Variants in KDM2A observed in about 807,000 individuals in gnomAD.
The protein encoded by KDM2A is lysine demethylase 2A, also known as lysine-specific demethylase 2A.
In KDM2A, 3 loss-of-function variants were observed where a neutral mutation model predicts 137.3. The observed-to-expected ratio is 0.02, with a 90% CI of 0.01 to 0.06. The LOEUF (loss-of-function observed/expected upper bound fraction) is 0.06. KDM2A is among the 10% of genes least tolerant of loss of function. KDM2A has a pLI of 1.00. For missense variants in KDM2A, 738 were observed against 1,510.6 expected, an observed-to-expected ratio of 0.49 and a Z score of 8.48; for synonymous variants, 512 against 541.5, an observed-to-expected ratio of 0.95 and a Z score of 0.76.
Position 67,216,271 on chromosome 11 carries a change from G to A in KDM2A, c.687+322G>A, listed in dbSNP as rs79501791. 7.8e-3 allele frequency among the ~76,000 whole-genome samples: 1,184 copies of A among 152,276 alleles called. 15 individuals are homozygous for A. The highest frequency in any genetic ancestry group is 0.034 in the Middle Eastern group (10 of 294). The stretch of plus-strand genomic sequence containing the variant: ...GACAAGATAATTTCTGTACTTGGAA[G>A]TATAATAAATAGTGGAAGGGAACAC... On this transcript the variant is annotated intron_variant, in intron 8 of 20. Coordinates refer to ENST00000529006, the MANE Select transcript of KDM2A (RefSeq NM_012308.3).
chr11:67,202,083 T>G (rs1590778806), intron 5 of KDM2A, among the ~76,000 whole-genome samples: 1 of 152,146 alleles, frequency 6.6e-6, no homozygotes, highest in East Asian at 1.9e-4. Flanking sequence ...GTTCAAGACT[T>G]CAGTGGAGGA....
intron 2 of KDM2A, among the ~76,000 whole-genome samples, chr11:67,152,167 G>C (rs949090491): frequency 6.6e-6 from 1 of 151,964 alleles, no homozygotes; most frequent in African/African-American, 2.4e-5. Context: ...ATACCAAAAA[G>C]CCAGGCGTGG....
intron 15 of KDM2A, among the ~76,000 whole-genome samples, chr11:67,246,561 G>A (rs1178951039): frequency 6.6e-6 from 1 of 151,744 alleles, no homozygotes; most frequent in Non-Finnish European, 1.5e-5. Context: ...TCAGTGCAGA[G>A]CTAAATAGCT....
intron 6 of KDM2A, among the ~76,000 whole-genome samples, chr11:67,209,642 C>T (rs1402636318): frequency 2.0e-5 from 3 of 151,146 alleles, no homozygotes; most frequent in Non-Finnish European, 4.4e-5. Flanking sequence ...TGGGGTTTCA[C>T]CATGTTGGCC....
intron 2 of KDM2A, among the ~76,000 whole-genome samples, chr11:67,172,185 T>A (rs943054904): frequency 6.6e-6 from 1 of 152,100 alleles, no homozygotes; most frequent in Non-Finnish European, 1.5e-5. Flanking sequence ...AGGCAGTGGC[T>A]GGTCTTGAAC....
intron 5 of KDM2A, among the ~76,000 whole-genome samples, chr11:67,189,314 A>G (rs1234761902): frequency 6.6e-6 from 1 of 152,270 alleles, no homozygotes; most frequent in African/African-American, 2.4e-5. Flanking sequence ...AAGAAATCAC[A>G]TGGAAATTAG....
chr11:67,178,037 T>G (rs1857008127), intron 2 of KDM2A, among the ~76,000 whole-genome samples: 1 of 152,198 alleles, frequency 6.6e-6, no homozygotes, highest in African/African-American at 2.4e-5. Flanking sequence ...AAAGGTAAAC[T>G]TGCAGTATAA....
rs377392660 is a variant in KDM2A at position 67,248,275 on chromosome 11, C to G, written c.1966-6C>G. The G allele has an allele frequency of 3.1e-5, 49 of 1,596,124 alleles. No homozygotes were observed. In the Middle Eastern group the frequency reaches 9.9e-4, roughly 32 times the overall value. On this transcript the variant is annotated splice_region_variant and splice_polypyrimidine_tract_variant and intron_variant, in intron 15 of 20. Transcript: ENST00000529006. ...GGCTTTTAAAAACATCTCTGTCTTCCTATAGATGGACGGAGAGGGGTTGCT... is the reference window on the plus strand; with the variant it reads ...GGCTTTTAAAAACATCTCTGTCTTCGTATAGATGGACGGAGAGGGGTTGCT...
At chr11:67,181,961 T>A in intron 5 of KDM2A, 69 bp downstream of exon 5, 6 of 1,303,400 alleles carry the variant, frequency 4.6e-6, no homozygotes, top group Non-Finnish European at 5.6e-6. Context: ...ATTAAATCTC[T>A]GACTGAGATT....
intron 6 of KDM2A, among the ~76,000 whole-genome samples, chr11:67,211,086 A>G (rs902140367): frequency 6.6e-6 from 1 of 152,102 alleles, no homozygotes; most frequent in African/African-American, 2.4e-5. Context: ...AAACATAGCT[A>G]CAATCATGTT....
chr11:67,249,415 C>CATAAA (rs763685012), intron 16 of KDM2A, among the ~76,000 whole-genome samples: 26 of 152,172 alleles, frequency 1.7e-4, no homozygotes, highest in Non-Finnish European at 3.4e-4. Context: ...TGCTTAGAGA[C>CATAAA]ATAAAATGTC....
chr11:67,228,414 G>A (rs1240361707), intron 11 of KDM2A, among the ~76,000 whole-genome samples: 2 of 152,122 alleles, frequency 1.3e-5, no homozygotes, highest in African/African-American at 2.4e-5. Context: ...TGATCAAGCC[G>A]GACACGCTGG....
At chr11:67,184,460 T>A (rs1857158358) in intron 5 of KDM2A, among the ~76,000 whole-genome samples, 1 of 152,098 alleles carries the variant, frequency 6.6e-6, no homozygotes, top group South Asian at 2.1e-4. Context: ...AAACCCCGTC[T>A]TTACTAAAAA....
At position 67,254,293 on chromosome 11, in the gene KDM2A, G is replaced by A. The variant is rs1859532226; in HGVS notation, c.3182G>A (p.Arg1061His). The A allele has an allele frequency of 6.2e-7, 1 of 1,613,972 alleles. No individual in the cohort carries two copies. Among genetic ancestry groups the A allele is most frequent in the Non-Finnish European group, 8.5e-7 (1 of 1,179,884 alleles). ...GATGCCACGCTTCGCCTCATAATTC[G>A]CCACATGCCCCTCCTGTCTCGACTC... ...ITDATLRLII[R>H]HMPLLSRLDL... The change falls in exon 20 of 21, where the codon CGC becomes CAC. Residue 1061 changes from arginine (R) to histidine (H), a missense_variant. By Grantham distance (29) the Arg-to-His change is conservative (BLOSUM62 0). This residue lies in a region of KDM2A where 166 missense variants were observed against 324.0 expected (regional missense o/e 0.51). Coordinates refer to ENST00000529006, the MANE Select transcript of KDM2A (RefSeq NM_012308.3). The surrounding 1 kb of genome is among the most constrained non-coding windows in gnomAD (Gnocchi z 4.7).
rs557137708 is a variant in KDM2A at position 67,159,469 on chromosome 11, C to G, written c.43-20610C>G. ...TCTAGAAGATTAGATTCATCTTAAA[C>G]ATTTTGGCAAGAATGTTTCCCAGAT... On this transcript the variant is annotated intron_variant, in intron 2 of 20. Transcript: ENST00000529006. Among the ~76,000 whole-genome samples the G allele has an allele frequency of 8.9e-4, 136 of 152,170 alleles. 1 individual carries two copies. Among genetic ancestry groups the G allele is most frequent in the Non-Finnish European group, 1.8e-3 (122 of 68,034 alleles).
rs921321640 is a variant in KDM2A at position 67,192,433 on chromosome 11, C to CTTT, written c.307+10567_307+10569dup. ...ATGGACATTTACTTTGTTTCCATTTCTTTTTTTTTTTTTTTTTTTTTTTTT... is the reference window on the plus strand; with the variant it reads ...ATGGACATTTACTTTGTTTCCATTTCTTTTTTTTTTTTTTTTTTTTTTTTTTTT... On this transcript the variant is annotated intron_variant, in intron 5 of 20. Coordinates refer to ENST00000529006, the MANE Select transcript of KDM2A (RefSeq NM_012308.3). Among the ~76,000 whole-genome samples the CTTT allele has an allele frequency of 4.2e-3, 295 of 70,566 alleles. 51 individuals carry two copies. The highest frequency in any genetic ancestry group is 0.016 in the East Asian group (37 of 2,354). The allele number at this position is 70,566 out of a possible 152,430, so 46.3% of individuals were successfully genotyped here.
chr11:67,211,563 A>G (rs1857983033), intron 6 of KDM2A, among the ~76,000 whole-genome samples: 1 of 130,048 alleles, frequency 7.7e-6, no homozygotes, highest in Non-Finnish European at 1.6e-5. Context: ...GCAGTGAGCC[A>G]TGATCACACC....
chr11:67,141,115 T>C (rs1856088736), intron 2 of KDM2A, among the ~76,000 whole-genome samples: 2 of 152,142 alleles, frequency 1.3e-5, no homozygotes, highest in Non-Finnish European at 2.9e-5. Flanking sequence ...GATGAAAATA[T>C]TAGGAACTCT....
At chr11:67,187,700 A>T (rs1179376744) in intron 5 of KDM2A, among the ~76,000 whole-genome samples, 2 of 151,970 alleles carry the variant, frequency 1.3e-5, no homozygotes, top group African/African-American at 4.8e-5. Flanking sequence ...CAGCCTCCCA[A>T]GTAGCTGGAT....
Sources: allele counts gnomAD v4.1 joint callset (sites outside exome capture counted in the v4.1 genomes callset), GRCh38; gene constraint gnomAD v4.1.1; regional missense constraint gnomAD v4.1.1; non-coding constraint Gnocchi (gnomAD v3.1); transcripts MANE v1.5; gene names NCBI Gene and HGNC (gene_info 2026-07-23, HGNC 2026-07-21).